The following GALNTL6 variants were observed in gnomAD, a reference collection of about 807,000 sequenced individuals.
The protein encoded by GALNTL6 is polypeptide N-acetylgalactosaminyltransferase-like 6.
In GALNTL6, 46 loss-of-function variants were observed where a neutral mutation model predicts 73.7. The ratio of observed to expected loss-of-function variants is 0.62; its 90% CI spans 0.49 to 0.80. The LOEUF (loss-of-function observed/expected upper bound fraction) is 0.80. GALNTL6 is among the 30% of genes least tolerant of loss of function. The pLI, the probability that GALNTL6 is intolerant of heterozygous loss-of-function variation, is 0.00. For synonymous variants in GALNTL6, 259 were observed against 263.7 expected, an observed-to-expected ratio of 0.98 and a Z score of 0.17; for missense variants, 604 against 755.0, an observed-to-expected ratio of 0.80 and a Z score of 2.34.
intron 2 of GALNTL6, among the ~76,000 whole-genome samples, chr4:172,031,826 T>C (rs952730441): frequency 2.0e-5 from 3 of 152,052 alleles, no homozygotes; most frequent in Non-Finnish European, 4.4e-5. Flanking sequence ...TAATAATTTA[T>C]ATATAAAGTA....
intron 2 of GALNTL6, among the ~76,000 whole-genome samples, chr4:172,185,305 G>A (rs1735384372): frequency 6.6e-6 from 1 of 152,110 alleles, no homozygotes; most frequent in Non-Finnish European, 1.5e-5. Flanking sequence ...TGATATAGAT[G>A]GTGGGGCCAA....
intron 10 of GALNTL6, among the ~76,000 whole-genome samples, chr4:172,972,127 T>C (rs1328805807): frequency 6.6e-6 from 1 of 152,072 alleles, no homozygotes; most frequent in Non-Finnish European, 1.5e-5. Flanking sequence ...AGACTGCAAT[T>C]CATTGAAAAC....
chr4:172,207,019 A>G (rs7661021), intron 2 of GALNTL6, among the ~76,000 whole-genome samples: 5,467 of 150,382 alleles, frequency 0.036, 191 homozygotes, highest in African/African-American at 0.093. Flanking sequence ...GGGTTTCACC[A>G]TGTTAGCCAG....
intron 2 of GALNTL6, among the ~76,000 whole-genome samples, chr4:171,904,406 G>T (rs368799464): frequency 6.6e-6 from 1 of 152,108 alleles, no homozygotes; most frequent in Non-Finnish European, 1.5e-5. Flanking sequence ...GATGGAAGAT[G>T]AAATGAATGA....
chr4:172,268,525 G>A (rs568622072), intron 3 of GALNTL6, among the ~76,000 whole-genome samples: 4 of 152,298 alleles, frequency 2.6e-5, no homozygotes, highest in Non-Finnish European at 5.9e-5. Context: ...CCTGGGCAAA[G>A]CACTTCTCTT....
chr4:172,317,564 A>G (rs1224866120), intron 4 of GALNTL6, among the ~76,000 whole-genome samples: 1 of 152,212 alleles, frequency 6.6e-6, no homozygotes, highest in African/African-American at 2.4e-5. Context: ...TAAATACATA[A>G]TTAGATTTTT....
At chr4:171,907,749 A>G (rs1444454293) in intron 2 of GALNTL6, among the ~76,000 whole-genome samples, 2 of 150,374 alleles carry the variant, frequency 1.3e-5, no homozygotes, top group African/African-American at 5.0e-5. Flanking sequence ...AAACTATACT[A>G]CAAGGCTACA....
chr4:172,158,129 A>G (rs1734341246), intron 2 of GALNTL6, among the ~76,000 whole-genome samples: 1 of 152,192 alleles, frequency 6.6e-6, no homozygotes, highest in Non-Finnish European at 1.5e-5. Flanking sequence ...GCATGGTTCT[A>G]CTGAGAAAGT....
chr4:172,127,195 C>T (rs1361950538), intron 2 of GALNTL6, among the ~76,000 whole-genome samples: 1 of 152,220 alleles, frequency 6.6e-6, no homozygotes. Flanking sequence ...CTGCCTACTA[C>T]AGCCAGTGCC....
chr4:172,883,971 C>G (rs1315607728), intron 8 of GALNTL6, among the ~76,000 whole-genome samples: 3 of 152,004 alleles, frequency 2.0e-5, no homozygotes, highest in African/African-American at 7.3e-5. Flanking sequence ...TATTTCATTC[C>G]TTTTTATGAC....
chr4:172,808,885 CTGTT>C (rs1050845502), intron 5 of GALNTL6, among the ~76,000 whole-genome samples: 1 of 152,154 alleles, frequency 6.6e-6, no homozygotes, highest in African/African-American at 2.4e-5. Flanking sequence ...GGGAAAAAAT[CTGTT>C]TGGTTCTTGT....
intron 2 of GALNTL6, among the ~76,000 whole-genome samples, chr4:172,029,171 ATAAGGGAATCTATTT>A (rs1011886152): frequency 2.6e-5 from 4 of 152,122 alleles, no homozygotes; most frequent in Middle Eastern, 3.5e-3. Flanking sequence ...AACAATCTAT[ATAAGGGAATCTATTT>A]TTTGAACTGT....
At chr4:172,788,727 G>A (rs941116094) in intron 5 of GALNTL6, among the ~76,000 whole-genome samples, 6 of 149,700 alleles carry the variant, frequency 4.0e-5, no homozygotes, top group African/African-American at 1.5e-4. Context: ...ATACTTACAA[G>A]GAGAGAACTT....
intron 5 of GALNTL6, among the ~76,000 whole-genome samples, chr4:172,460,760 C>T (rs1316789976): frequency 6.6e-6 from 1 of 152,208 alleles, no homozygotes; most frequent in Non-Finnish European, 1.5e-5. Flanking sequence ...TGCTTTTACA[C>T]AGTTGGTAGG....
intron 3 of GALNTL6, among the ~76,000 whole-genome samples, chr4:172,305,813 A>T (rs925705155): frequency 2.0e-5 from 3 of 152,064 alleles, no homozygotes; most frequent in African/African-American, 7.3e-5. Flanking sequence ...ATAATTGGTG[A>T]CTCACCAGTT....
chr4:172,909,308 A>T (rs889664745), intron 8 of GALNTL6, among the ~76,000 whole-genome samples: 17 of 137,596 alleles, frequency 1.2e-4, no homozygotes, highest in Middle Eastern at 3.7e-3. Context: ...AGTGTGTTTT[A>T]AAAAAAAAAA....
chr4:172,229,445 G>A (rs948072710), intron 2 of GALNTL6, among the ~76,000 whole-genome samples: 7 of 152,078 alleles, frequency 4.6e-5, no homozygotes, highest in Non-Finnish European at 7.4e-5. Flanking sequence ...AGTTGTTGCA[G>A]GAGAGGTGTG....
chr4:172,446,538 A>G (rs1732026285), intron 5 of GALNTL6, among the ~76,000 whole-genome samples: 1 of 152,146 alleles, frequency 6.6e-6, no homozygotes, highest in Admixed American at 6.6e-5. Flanking sequence ...CAGCATATAT[A>G]AAAGTTTCAT....
chr4:172,954,041 T>C (rs1263070986), intron 10 of GALNTL6, among the ~76,000 whole-genome samples: 2 of 152,336 alleles, frequency 1.3e-5, no homozygotes, highest in Non-Finnish European at 2.9e-5. Flanking sequence ...ATTCAAATGC[T>C]GTCCTGCCTA....
Sources: allele counts gnomAD v4.1 joint callset (sites outside exome capture counted in the v4.1 genomes callset), GRCh38; gene constraint gnomAD v4.1.1; transcripts MANE v1.5; gene names NCBI Gene and HGNC (gene_info 2026-07-23, HGNC 2026-07-21).